The following NTRK2 variants were observed in gnomAD, a reference collection of about 807,000 sequenced individuals.
NTRK2 encodes the protein BDNF/NT-3 growth factors receptor.
In NTRK2, 13 loss-of-function variants were observed where a neutral mutation model predicts 94.5. That is an observed-to-expected ratio of 0.14 (90% CI 0.09 to 0.22). The LOEUF (loss-of-function observed/expected upper bound fraction) is 0.22, where lower values mean the gene tolerates loss of function less well. Among genes scored for constraint, NTRK2 ranks in the 10% least tolerant of loss-of-function variants. The probability of loss-of-function intolerance (pLI) is 1.00; values close to 1 mark genes in which losing one functional copy is unlikely to be tolerated. For missense variants in NTRK2, 639 were observed against 1,071.2 expected, an observed-to-expected ratio of 0.60 and a Z score of 5.63; for synonymous variants, 372 against 407.4, an observed-to-expected ratio of 0.91 and a Z score of 1.05.
chr9:84,797,658 T>TACTATA (rs2069612835), intron 12 of NTRK2, among the ~76,000 whole-genome samples: 1 of 37,982 alleles, frequency 2.6e-5, no homozygotes, highest in Non-Finnish European at 4.1e-5. Context: ...ATAATATATA[T>TACTATA]ATTATATATT....
chr9:84,732,113 G>A (rs899347251), intron 9 of NTRK2, among the ~76,000 whole-genome samples: 9 of 152,188 alleles, frequency 5.9e-5, no homozygotes, highest in African/African-American at 2.2e-4. Context: ...CAAACTTTCA[G>A]CTTCAAAATG....
At chr9:84,989,152 C>A (rs959123624) in intron 17 of NTRK2, among the ~76,000 whole-genome samples, 7 of 152,176 alleles carry the variant, frequency 4.6e-5, no homozygotes, top group African/African-American at 1.7e-4. Context: ...ACAATTCAAA[C>A]TTTTACCACT....
intron 14 of NTRK2, chr9:84,877,389 C>T (rs199827668): frequency 2.8e-6 from 3 of 1,065,912 alleles, no homozygotes; most frequent in Non-Finnish European, 3.4e-6. Context: ...GTCCCCATGC[C>T]ATCTATTTAC....
At chr9:84,938,912 TGTG>T (rs1040104078) in intron 15 of NTRK2, among the ~76,000 whole-genome samples, 6 of 151,076 alleles carry the variant, frequency 4.0e-5, no homozygotes, top group African/African-American at 1.5e-4. Context: ...GTTAGCTGAG[TGTG>T]GTGGCATGCA....
chr9:84,810,733 A>G (rs200520474), intron 12 of NTRK2: 26 of 1,533,244 alleles, frequency 1.7e-5, no homozygotes, highest in Non-Finnish European at 2.1e-5. Context: ...TGGAGGCTGT[A>G]CTATATGAAG....
chr9:84,870,618 G>A lies in NTRK2; in HGVS notation c.1633+3187G>A, dbSNP rs1233504337. Among the ~76,000 whole-genome samples the A allele has an allele frequency of 1.3e-4, 20 of 151,806 alleles. No homozygotes were observed. The East Asian group carries it at 3.9e-3, about 30-fold the overall frequency. ...TCCTTCACACCTTGGCCTCCCAAGGGAGGGAATGCAGGCATGAGCCCCATT... is the reference window on the plus strand; with the variant it reads ...TCCTTCACACCTTGGCCTCCCAAGGAAGGGAATGCAGGCATGAGCCCCATT... On this transcript the variant is annotated intron_variant, in intron 14 of 18. Transcript: ENST00000277120.
intron 12 of NTRK2, among the ~76,000 whole-genome samples, chr9:84,840,341 G>A (rs1301336802): frequency 6.9e-6 from 1 of 145,762 alleles, no homozygotes; most frequent in Non-Finnish European, 1.5e-5. Flanking sequence ...TGATTCTGTG[G>A]TCGCTGGTTA....
At chr9:84,849,361 T>C (rs1335964317) in intron 12 of NTRK2, among the ~76,000 whole-genome samples, 1 of 152,140 alleles carries the variant, frequency 6.6e-6, no homozygotes, top group Non-Finnish European at 1.5e-5. Flanking sequence ...CTGCTTACTT[T>C]TTCATTGGCA....
chr9:84,760,914 T>C (rs2065507382), intron 12 of NTRK2, among the ~76,000 whole-genome samples: 1 of 152,214 alleles, frequency 6.6e-6, no homozygotes, highest in South Asian at 2.1e-4. Flanking sequence ...CTGATGTATG[T>C]ACAGCCTGCT....
chr9:84,767,421 T>C (rs565340282), intron 12 of NTRK2, among the ~76,000 whole-genome samples: 26 of 152,252 alleles, frequency 1.7e-4, no homozygotes, highest in Non-Finnish European at 2.5e-4. Flanking sequence ...TGAGGCCATG[T>C]ATTTGCAGAG....
Position 84,875,527 on chromosome 9 carries a change from T to G in NTRK2, c.1633+8096T>G, listed in dbSNP as rs552482070. ...CTGAAGCAGATGATCACTTTTTGCC[T>G]CCAAGTTCTTCACCCTAGCTAGCTC... On this transcript the variant is annotated intron_variant, in intron 14 of 18. Transcript: ENST00000277120. 5 of 1,063,226 alleles carry G rather than the reference T, an allele frequency of 4.7e-6. No homozygotes were observed. In the African/African-American group the frequency reaches 8.2e-5, roughly 17 times the overall value. 65.9% of individuals were successfully genotyped at this position (1,063,226 alleles called of 1,614,324 possible). A position where few individuals can be genotyped will look rare whatever the true frequency, so the allele number is the denominator to read the frequency against.
At chr9:84,678,809 A>G (rs2059216363) in intron 2 of NTRK2, among the ~76,000 whole-genome samples, 1 of 152,218 alleles carries the variant, frequency 6.6e-6, no homozygotes, top group East Asian at 1.9e-4. Flanking sequence ...TTTTACTTCA[A>G]AACCCTGCTG....
At chr9:84,775,133 C>G (rs920648183) in intron 12 of NTRK2, among the ~76,000 whole-genome samples, 3 of 152,332 alleles carry the variant, frequency 2.0e-5, no homozygotes, top group Non-Finnish European at 4.4e-5. Context: ...GTCCATGAGG[C>G]TGAGAGAGGC....
intron 17 of NTRK2, among the ~76,000 whole-genome samples, chr9:84,978,762 T>A (rs574716418): frequency 1.3e-5 from 2 of 152,206 alleles, no homozygotes; most frequent in Non-Finnish European, 2.9e-5. Flanking sequence ...CAGTGTCCCG[T>A]CAGCTGACTC....
Position 84,815,316 on chromosome 9 carries a change from GA to G in NTRK2, c.1397-45717del, listed in dbSNP as rs1243553014. ...TATGACTGCAGTGGGTTTTTATGGG[GA>G]AAAAAAGTGTGAAAAGCAAAAAGAA... On this transcript the variant is annotated intron_variant, in intron 12 of 18. Transcript: ENST00000277120. The G allele has an allele frequency of 1.1e-5, 12 of 1,048,360 alleles. No homozygotes were observed. The East Asian group carries it at 1.7e-4, about 14-fold the overall frequency. 64.9% of individuals were successfully genotyped at this position (1,048,360 alleles called of 1,614,324 possible). A position where few individuals can be genotyped will look rare whatever the true frequency, so the allele number is the denominator to read the frequency against.
At chr9:84,977,315 G>A (rs1588097028) in intron 17 of NTRK2, among the ~76,000 whole-genome samples, 1 of 152,114 alleles carries the variant, frequency 6.6e-6, no homozygotes, top group East Asian at 1.9e-4. Context: ...TTGCTCTTAG[G>A]AACACGAGAC....
chr9:84,705,183 T>A (rs2060969942), intron 4 of NTRK2, among the ~76,000 whole-genome samples: 2 of 152,022 alleles, frequency 1.3e-5, no homozygotes, highest in South Asian at 4.2e-4. Context: ...ATCCTCTCTC[T>A]CACTTTCACC....
intron 12 of NTRK2, chr9:84,814,412 T>A: frequency 9.4e-7 from 1 of 1,065,876 alleles, no homozygotes; most frequent in Non-Finnish European, 1.1e-6. Flanking sequence ...TCCTCTTCTT[T>A]TCTCTTTATT....
rs544989843 is a variant in NTRK2 at position 84,699,807 on chromosome 9, C to T, written c.213-2352C>T. ...ATAGTTTTGTGCAATCCATTGACAT[C>T]TCTACCCCTGTCTTTCTCTCCTCTA... is the stretch of plus-strand genomic sequence containing the variant. On this transcript the variant is annotated intron_variant, in intron 2 of 18. Coordinates refer to ENST00000277120, the MANE Select transcript of NTRK2 (RefSeq NM_006180.6). Among the ~76,000 whole-genome samples, 13 of 151,568 alleles carry T rather than the reference C, an allele frequency of 8.6e-5. No individual in the cohort carries two copies. The South Asian group carries it at 2.7e-3, about 32-fold the overall frequency.
Sources: gnomAD v4.1 joint callset for allele counts (sites outside exome capture counted in the v4.1 genomes callset) on GRCh38, gnomAD v4.1.1 for gene constraint, MANE v1.5 for transcripts, NCBI Gene and HGNC (gene_info 2026-07-23, HGNC 2026-07-21) for gene names.